The following SH3RF1 variants were observed in gnomAD, a reference collection of about 807,000 sequenced individuals.
SH3RF1 encodes the protein SH3 domain containing ring finger 1, also known as E3 ubiquitin-protein ligase SH3RF1.
A neutral mutation model predicts 74.0 loss-of-function variants in SH3RF1; 32 were observed. The ratio of observed to expected loss-of-function variants is 0.43; its 90% CI spans 0.33 to 0.58. The LOEUF (loss-of-function observed/expected upper bound fraction) is 0.58. SH3RF1 is among the 20% of genes least tolerant of loss of function. The pLI is 0.05. For synonymous variants in SH3RF1, 396 were observed against 439.6 expected, an observed-to-expected ratio of 0.90 and a Z score of 1.24; for missense variants, 954 against 1,130.9, an observed-to-expected ratio of 0.84 and a Z score of 2.24.
chr4:169,132,069 A>C (rs1261553962), intron 5 of SH3RF1, among the ~76,000 whole-genome samples: 1 of 152,170 alleles, frequency 6.6e-6, no homozygotes, highest in East Asian at 1.9e-4. Context: ...ATTTTTAACA[A>C]ATCTCTGCTT....
chr4:169,214,125 A>C (rs1235357971), intron 2 of SH3RF1, among the ~76,000 whole-genome samples: 1 of 152,200 alleles, frequency 6.6e-6, no homozygotes, highest in Non-Finnish European at 1.5e-5. Flanking sequence ...CCTCGAGGGA[A>C]GTGTTTGGGT....
chr4:169,128,927 T>G (rs1733567863), intron 6 of SH3RF1, among the ~76,000 whole-genome samples: 1 of 152,200 alleles, frequency 6.6e-6, no homozygotes, highest in Non-Finnish European at 1.5e-5. Context: ...AGATCAATAA[T>G]GTTCATCCCT....
At chr4:169,115,581 A>C (rs1352269929) in intron 10 of SH3RF1, among the ~76,000 whole-genome samples, 1 of 152,158 alleles carries the variant, frequency 6.6e-6, no homozygotes, top group Non-Finnish European at 1.5e-5. Flanking sequence ...GGCTCCCACT[A>C]ATTCTACATT....
At position 169,095,233 on chromosome 4, in the gene SH3RF1, A is replaced by G. The variant is rs570577385; in HGVS notation, c.*1286T>C. 1.3e-5 allele frequency: 2 copies of G among 152,774 alleles called. No homozygotes were observed. The highest frequency in any genetic ancestry group is 4.8e-5 in the African/African-American group (2 of 41,572). The allele number at this position is 152,774 out of a possible 1,614,324, so 9.5% of individuals were successfully genotyped here. Reference sequence around the variant, plus strand: ...TGATGTCTGTCTGCTGGGAGGACATAAAAGACCACTTTCACTAATGACTTG... The same window carrying G: ...TGATGTCTGTCTGCTGGGAGGACATGAAAGACCACTTTCACTAATGACTTG... On this transcript the variant is annotated 3_prime_UTR_variant, in exon 12 of 12. Coordinates refer to ENST00000284637, the MANE Select transcript of SH3RF1 (RefSeq NM_020870.4).
chr4:169,121,920 A>C (rs1329135027), intron 7 of SH3RF1, among the ~76,000 whole-genome samples, 180 bp downstream of exon 7: 1 of 152,174 alleles, frequency 6.6e-6, no homozygotes, highest in East Asian at 1.9e-4. Context: ...TATCAGACTG[A>C]TTTTCTTTCA....
chr4:169,138,725 A>G (rs1247122379), intron 4 of SH3RF1, among the ~76,000 whole-genome samples: 1 of 152,214 alleles, frequency 6.6e-6, no homozygotes. Context: ...AAAAATTACT[A>G]TAGTCTCATC....
At chr4:169,268,220 C>T (rs1478322124) in intron 2 of SH3RF1, among the ~76,000 whole-genome samples, 4 of 152,040 alleles carry the variant, frequency 2.6e-5, no homozygotes, top group African/African-American at 9.7e-5. Flanking sequence ...ACTATAAAGC[C>T]CAACATAAAG....
chr4:169,153,718 T>A (rs1429971141), intron 4 of SH3RF1, among the ~76,000 whole-genome samples: 1 of 152,308 alleles, frequency 6.6e-6, no homozygotes, highest in South Asian at 2.1e-4. Flanking sequence ...GAAATGTTCA[T>A]AGGCTCCTAA....
intron 2 of SH3RF1, among the ~76,000 whole-genome samples, chr4:169,156,972 A>G (rs1056151756): frequency 6.6e-6 from 1 of 152,232 alleles, no homozygotes; most frequent in Non-Finnish European, 1.5e-5. Flanking sequence ...GGTTATCAGT[A>G]TATGAAAGCA....
intron 2 of SH3RF1, among the ~76,000 whole-genome samples, chr4:169,172,445 A>G (rs901840880): frequency 2.6e-5 from 4 of 152,224 alleles, no homozygotes; most frequent in Non-Finnish European, 5.9e-5. Context: ...TTGACTTCAT[A>G]TCAGCATTTA....
intron 11 of SH3RF1, among the ~76,000 whole-genome samples, chr4:169,104,727 C>T (rs1399186539): frequency 6.6e-6 from 1 of 151,926 alleles, no homozygotes; most frequent in Admixed American, 6.6e-5. Context: ...GATGGCAAAA[C>T]CCCATCTCTA....
intron 2 of SH3RF1, among the ~76,000 whole-genome samples, chr4:169,253,489 G>C (rs1731136787): frequency 6.6e-6 from 1 of 152,154 alleles, no homozygotes; most frequent in Admixed American, 6.5e-5. Flanking sequence ...TTTGAGACTT[G>C]GAAAGGATCC....
intron 11 of SH3RF1, among the ~76,000 whole-genome samples, chr4:169,106,610 TAGAGAAAATAA>T (rs1320160234): frequency 1.3e-5 from 2 of 149,508 alleles, no homozygotes; most frequent in African/African-American, 4.9e-5. Flanking sequence ...CGTGGCAGAG[TAGAGAAAATAA>T]AGGAAAAGGA....
At chr4:169,228,050 C>T (rs150094812) in intron 2 of SH3RF1, among the ~76,000 whole-genome samples, 13 of 152,284 alleles carry the variant, frequency 8.5e-5, no homozygotes, top group East Asian at 7.7e-4. Flanking sequence ...TTTTTGTTCA[C>T]GTAGTTACCT....
At chr4:169,130,220 A>G in intron 5 of SH3RF1, 64 bp from the exon 6 acceptor site, 1 of 1,120,460 alleles carries the variant, frequency 8.9e-7, no homozygotes, top group African/African-American at 1.7e-5. Context: ...TATACTGGCT[A>G]AACCTTAGAA....
chr4:169,162,186 CTT>C (rs924325844), intron 2 of SH3RF1, among the ~76,000 whole-genome samples: 12 of 152,096 alleles, frequency 7.9e-5, no homozygotes, highest in Non-Finnish European at 4.4e-5. Context: ...AATAGAATGT[CTT>C]TTGTACAACA....
intron 5 of SH3RF1, among the ~76,000 whole-genome samples, chr4:169,133,142 G>T (rs1733645512): frequency 6.6e-6 from 1 of 152,112 alleles, no homozygotes; most frequent in Admixed American, 6.5e-5. Flanking sequence ...GTGTAGACAT[G>T]AGCTGGAAGG....
At chr4:169,124,828 G>A (rs1463825216) in intron 6 of SH3RF1, among the ~76,000 whole-genome samples, 2 of 152,208 alleles carry the variant, frequency 1.3e-5, no homozygotes, top group African/African-American at 4.8e-5. Context: ...GTAATCCACT[G>A]TGTATTGTGC....
At chr4:169,120,246 C>T (rs1202006560) in intron 8 of SH3RF1, among the ~76,000 whole-genome samples, 1 of 152,152 alleles carries the variant, frequency 6.6e-6, no homozygotes, top group Non-Finnish European at 1.5e-5. Context: ...TTATTTCTGA[C>T]TATATTATAG....
Sources: gnomAD v4.1 joint callset for allele counts (sites outside exome capture counted in the v4.1 genomes callset) on GRCh38, gnomAD v4.1.1 for gene constraint, MANE v1.5 for transcripts, NCBI Gene and HGNC (gene_info 2026-07-23, HGNC 2026-07-21) for gene names.